MTOR: variants seen among roughly 807,000 people sequenced by gnomAD.
MTOR encodes serine/threonine-protein kinase mTOR.
MTOR carries 70 observed loss-of-function variants against 319.8 expected under a neutral mutation model. The ratio of observed to expected loss-of-function variants is 0.22; its 90% CI spans 0.18 to 0.27. The LOEUF (loss-of-function observed/expected upper bound fraction) is 0.27, where lower values mean the gene tolerates loss of function less well. Among genes scored for constraint, MTOR ranks in the 10% least tolerant of loss-of-function variants. The pLI, the probability that MTOR is intolerant of heterozygous loss-of-function variation, is 1.00. For synonymous variants in MTOR, 1,183 were observed against 1,211.4 expected (o/e 0.98, Z 0.49); for missense variants, 1,890 against 3,274.4 (o/e 0.58, Z 10.32).
At position 11,258,465 on chromosome 1, in the gene MTOR, A is replaced by C. The variant is rs774092227; in HGVS notation, c.271+20T>G. 3.8e-6 allele frequency: 6 copies of C among 1,558,552 alleles called. No homozygotes were observed. ...CAAAGGTGAGTGTGTTGTTTTTGTG[A>C]CCAGAGACTCTGTCCTTACCTATGG... On this transcript the variant is annotated intron_variant, in intron 3 of 57. Coordinates refer to ENST00000361445, the MANE Select transcript of MTOR (RefSeq NM_004958.4).
At chr1:11,254,201 G>A (rs1365256716) in intron 5 of MTOR, among the ~76,000 whole-genome samples, 2 of 151,592 alleles carry the variant, frequency 1.3e-5, no homozygotes, top group African/African-American at 2.4e-5. Context: ...GTGCAGTGGC[G>A]CAATCTCGGC....
At chr1:11,147,516 G>T (rs149307954) in intron 31 of MTOR, among the ~76,000 whole-genome samples, 20 of 152,300 alleles carry the variant, frequency 1.3e-4, no homozygotes, top group African/African-American at 3.9e-4. Flanking sequence ...GCAAACTACA[G>T]GGCTGCCAAT....
chr1:11,242,058 T>C (rs1648113746), intron 9 of MTOR, among the ~76,000 whole-genome samples: 1 of 152,162 alleles, frequency 6.6e-6, no homozygotes, highest in Non-Finnish European at 1.5e-5. Flanking sequence ...TCTTCTATGA[T>C]GAGAATGCTG....
At chr1:11,113,629 G>C (rs1379799617) in intron 53 of MTOR, among the ~76,000 whole-genome samples, 1 of 149,434 alleles carries the variant, frequency 6.7e-6, no homozygotes, top group East Asian at 1.9e-4. Context: ...TTATTTTTTT[G>C]AGACAAGGTC....
chr1:11,209,230 C>T, intron 25 of MTOR, 82 bp downstream of exon 25: 1 of 1,546,422 alleles, frequency 6.5e-7, no homozygotes, highest in Non-Finnish European at 8.8e-7. Flanking sequence ...TTTTCGGTTG[C>T]CCAGTTTAAA....
chr1:11,193,621 C>T, intron 28 of MTOR: 2 of 1,611,316 alleles, frequency 1.2e-6, no homozygotes, highest in Non-Finnish European at 1.7e-6. Flanking sequence ...GCTGGACCAT[C>T]ATCCAGAGAC....
chr1:11,116,862 ATGT>A (rs1642193388), intron 50 of MTOR, 139 bp downstream of exon 50: 1 of 654,688 alleles, frequency 1.5e-6, no homozygotes, highest in Admixed American at 2.9e-5. Context: ...ACTAAGGCTA[ATGT>A]TGTAAAAGAG....
intron 28 of MTOR, among the ~76,000 whole-genome samples, chr1:11,169,081 C>T (rs774146247): frequency 6.6e-6 from 1 of 152,146 alleles, no homozygotes; most frequent in African/African-American, 2.4e-5. Context: ...TTGGGAAATT[C>T]CAGGATTTGA....
At chr1:11,209,633 A>G (rs1430967310) in intron 24 of MTOR, among the ~76,000 whole-genome samples, 175 bp from the exon 25 acceptor site, 1 of 152,200 alleles carries the variant, frequency 6.6e-6, no homozygotes, top group Non-Finnish European at 1.5e-5. Flanking sequence ...CCAACTGTAG[A>G]CAGTCTTTGC....
Position 11,192,211 on chromosome 1 carries a change from C to T in MTOR, c.4253+7047G>A. The T allele has an allele frequency of 2.3e-6, 3 of 1,277,912 alleles. 1 individual carries two copies. The South Asian group carries it at 3.7e-5, about 16-fold the overall frequency. The allele number at this position is 1,277,912 out of a possible 1,614,324, so 79.2% of individuals were successfully genotyped here. ...GAAATAAAGGCTCAGTCTCTAAACA[C>T]TCAACTCAGATGGAGCCACTGGGTC... On this transcript the variant is annotated intron_variant, in intron 28 of 57. Transcript: ENST00000361445.
At chr1:11,142,251 A>G (rs1050950702) in intron 34 of MTOR, among the ~76,000 whole-genome samples, 1 of 151,898 alleles carries the variant, frequency 6.6e-6, no homozygotes, top group Non-Finnish European at 1.5e-5. Flanking sequence ...ATGGTGGCTC[A>G]TGCCTGTAAT....
chr1:11,220,551 G>A (rs72856948), intron 19 of MTOR, among the ~76,000 whole-genome samples: 4,772 of 152,240 alleles, frequency 0.031, 150 homozygotes, highest in African/African-American at 0.078. Flanking sequence ...ACAGGGTGAT[G>A]AGACATGAAA....
At chr1:11,150,556 G>C (rs566095170) in intron 30 of MTOR, among the ~76,000 whole-genome samples, 1 of 152,300 alleles carries the variant, frequency 6.6e-6, no homozygotes, top group East Asian at 1.9e-4. Context: ...CCCTTTGGCA[G>C]GCCTACAGAG....
rs1644194928 is a variant in MTOR at position 11,152,846 on chromosome 1, GA to G, written c.4470-2621del. On this transcript the variant is annotated intron_variant, in intron 30 of 57. Transcript: ENST00000361445. ...GTATCAGAAACCTGCATATGATCAG[GA>G]AAAATATTCTGCTTCTTTCGACTCG... 2.6e-5 allele frequency among the ~76,000 whole-genome samples: 4 copies of G among 152,302 alleles called. No individual in the cohort carries two copies. The South Asian group carries it at 8.3e-4, about 32-fold the overall frequency.
At chr1:11,138,078 G>T (rs983331577) in intron 36 of MTOR, among the ~76,000 whole-genome samples, 1 of 152,160 alleles carries the variant, frequency 6.6e-6, no homozygotes, top group Non-Finnish European at 1.5e-5. Context: ...GGAGAAGTTG[G>T]GCTGGGGTCT....
chr1:11,200,024 G>A (rs1331554791), intron 26 of MTOR, among the ~76,000 whole-genome samples: 1 of 152,172 alleles, frequency 6.6e-6, no homozygotes, highest in Non-Finnish European at 1.5e-5. Context: ...GGGGGCGAGT[G>A]GCAGGGCGGG....
In MTOR at chr1:11,237,849, G is replaced by A; in HGVS notation, c.2202C>T (p.Leu734=). Reference sequence around the variant, plus strand: ...TGGCCATCACCTCGGTTACCTGGATGAGCATCTTGCGCAGGAAAGGCATGA... The same window carrying A: ...TGGCCATCACCTCGGTTACCTGGATAAGCATCTTGCGCAGGAAAGGCATGA... ...AFVMPFLRKM[L]IQILTELEHS... is the part of the protein sequence containing the mutation. Residue 734 remains leucine (L), a synonymous_variant, in exon 13 of 58, where the codon CTC becomes CTT. Coordinates refer to ENST00000361445, the MANE Select transcript of MTOR (RefSeq NM_004958.4). 1 of 1,613,910 alleles carries A rather than the reference G, an allele frequency of 6.2e-7. No individual in the cohort carries two copies. The highest frequency in any genetic ancestry group is 8.5e-7 in the Non-Finnish European group (1 of 1,180,040).
chr1:11,261,833 G>A (rs1651176190), intron 1 of MTOR, among the ~76,000 whole-genome samples: 1 of 152,144 alleles, frequency 6.6e-6, no homozygotes, highest in South Asian at 2.1e-4. Flanking sequence ...TCTATTCTCA[G>A]GAAAGAACCA....
chr1:11,221,443 T>C (rs1022171766), intron 19 of MTOR, among the ~76,000 whole-genome samples: 4 of 152,104 alleles, frequency 2.6e-5, no homozygotes. Flanking sequence ...TTATTGTTAA[T>C]ACTAACATTG....
Sources: allele counts gnomAD v4.1 joint callset (sites outside exome capture counted in the v4.1 genomes callset), GRCh38; gene constraint gnomAD v4.1.1; transcripts MANE v1.5; gene names NCBI Gene and HGNC (gene_info 2026-07-23, HGNC 2026-07-21).